PTPRD: variants seen among roughly 807,000 people sequenced by gnomAD.
The protein encoded by PTPRD is protein tyrosine phosphatase receptor type D.
PTPRD carries 34 observed loss-of-function variants against 214.5 expected under a neutral mutation model. That is an observed-to-expected ratio of 0.16 (90% CI 0.12 to 0.21). The LOEUF is 0.21. PTPRD is among the 10% of genes least tolerant of loss of function. PTPRD has a pLI of 1.00. For synonymous variants in PTPRD, 1,128 were observed against 845.7 expected, an observed-to-expected ratio of 1.33 and a Z score of -5.79; for missense variants, 2,545 against 2,398.7, an observed-to-expected ratio of 1.06 and a Z score of -1.27.
chr9:8,967,934 T>C (rs1180086751), intron 11 of PTPRD, among the ~76,000 whole-genome samples: 1 of 152,038 alleles, frequency 6.6e-6, no homozygotes, highest in South Asian at 2.1e-4. Flanking sequence ...CCCCGGTGTG[T>C]GATGTTCCCC....
chr9:9,481,850 T>C (rs2147131268), intron 8 of PTPRD, among the ~76,000 whole-genome samples: 1 of 152,320 alleles, frequency 6.6e-6, no homozygotes, highest in East Asian at 1.9e-4. Flanking sequence ...TCCTTGCAGT[T>C]ATCTAAAGAA....
intron 3 of PTPRD, among the ~76,000 whole-genome samples, chr9:10,242,609 A>AT (rs57797070): frequency 0.32 from 45,225 of 143,100 alleles, 8,001 homozygotes; most frequent in African/African-American, 0.48. Flanking sequence ...CATTGAATAC[A>AT]TTTTTTTTTT....
At chr9:9,493,386 G>A (rs2096010321) in intron 8 of PTPRD, among the ~76,000 whole-genome samples, 1 of 152,168 alleles carries the variant, frequency 6.6e-6, no homozygotes, top group Non-Finnish European at 1.5e-5. Context: ...GAGCTCTGAT[G>A]AAGATGTACA....
intron 44 of PTPRD, among the ~76,000 whole-genome samples, chr9:8,328,343 G>A (rs1836134981): frequency 6.6e-6 from 1 of 151,916 alleles, no homozygotes; most frequent in Admixed American, 6.6e-5. Context: ...TTGAATATTG[G>A]CCCCACTGTC....
chr9:9,154,888 T>A (rs12350330), intron 10 of PTPRD, among the ~76,000 whole-genome samples: 1 of 152,078 alleles, frequency 6.6e-6, no homozygotes, highest in African/African-American at 2.4e-5. Flanking sequence ...TTAGGTAGAA[T>A]TTTTTAATTT....
chr9:9,663,482 C>CT (rs2096657753), intron 7 of PTPRD, among the ~76,000 whole-genome samples: 1 of 151,588 alleles, frequency 6.6e-6, no homozygotes, highest in African/African-American at 2.4e-5. Flanking sequence ...ATCCACTTCA[C>CT]TTTTTTGTCT....
chr9:10,340,730 A>C (rs538689919), intron 3 of PTPRD, among the ~76,000 whole-genome samples: 205 of 152,018 alleles, frequency 1.3e-3, no homozygotes, highest in Admixed American at 3.5e-3. Flanking sequence ...CCAACATCTC[A>C]TGAGCAATAC....
intron 11 of PTPRD, among the ~76,000 whole-genome samples, chr9:8,941,580 G>T (rs1043188534): frequency 6.6e-6 from 1 of 152,060 alleles, no homozygotes. Flanking sequence ...TTGGAGTATT[G>T]TTGGGTGGAG....
At chr9:9,290,073 C>G (rs1049392509) in intron 9 of PTPRD, among the ~76,000 whole-genome samples, 1 of 151,614 alleles carries the variant, frequency 6.6e-6, no homozygotes, top group African/African-American at 2.4e-5. Context: ...GTATTCCCAC[C>G]AATGGTATAC....
intron 9 of PTPRD, among the ~76,000 whole-genome samples, chr9:9,253,331 C>T (rs1433502371): frequency 6.6e-6 from 1 of 151,874 alleles, no homozygotes; most frequent in African/African-American, 2.4e-5. Context: ...TATTAATTTA[C>T]AATTTTTAAA....
At chr9:8,724,773 A>C (rs1206082291) in intron 12 of PTPRD, among the ~76,000 whole-genome samples, 5 of 152,010 alleles carry the variant, frequency 3.3e-5, no homozygotes, top group African/African-American at 4.8e-5. Flanking sequence ...ATCTCTAAAA[A>C]AAAAAAATAC....
chr9:9,441,386 G>A (rs151319067), intron 8 of PTPRD, among the ~76,000 whole-genome samples: 91 of 152,270 alleles, frequency 6.0e-4, no homozygotes, highest in African/African-American at 2.1e-3. Flanking sequence ...GAAATAAACT[G>A]CTAGACAAAA....
At chr9:10,574,815 T>C (rs1228015824) in intron 2 of PTPRD, among the ~76,000 whole-genome samples, 2 of 113,572 alleles carry the variant, frequency 1.8e-5, no homozygotes, top group Non-Finnish European at 3.7e-5. Context: ...TGTGTGTGCA[T>C]ATATATATAT....
intron 8 of PTPRD, among the ~76,000 whole-genome samples, chr9:9,461,774 C>CT (rs2093678925): frequency 6.6e-6 from 1 of 152,090 alleles, no homozygotes; most frequent in Admixed American, 6.6e-5. Flanking sequence ...AGAGTGAAGG[C>CT]ATTTGGATGT....
chr9:9,156,194 T>C (rs1469969474), intron 10 of PTPRD, among the ~76,000 whole-genome samples: 1 of 152,176 alleles, frequency 6.6e-6, no homozygotes, highest in Non-Finnish European at 1.5e-5. Flanking sequence ...GATATGTACA[T>C]ATCTTGACAT....
intron 10 of PTPRD, among the ~76,000 whole-genome samples, chr9:9,058,205 ACACAGC>A (rs1355100121): frequency 1.3e-5 from 2 of 152,108 alleles, no homozygotes; most frequent in African/African-American, 4.8e-5. Flanking sequence ...TTTTTTAGCA[ACACAGC>A]CTATGATGGA....
chr9:9,943,889 G>A (rs1029145549), intron 4 of PTPRD, among the ~76,000 whole-genome samples: 10 of 152,104 alleles, frequency 6.6e-5, no homozygotes, highest in African/African-American at 2.4e-4. Context: ...ATCCCAATCT[G>A]CAAATTGCCC....
intron 12 of PTPRD, among the ~76,000 whole-genome samples, chr9:8,729,223 T>G (rs548190327): frequency 6.6e-6 from 1 of 152,160 alleles, no homozygotes; most frequent in Non-Finnish European, 1.5e-5. Flanking sequence ...CAAGCCAAAT[T>G]AATTTTAAAT....
intron 3 of PTPRD, among the ~76,000 whole-genome samples, chr9:10,280,726 CAGCCTCCTGAGTAGCTA>C (rs1564992300): frequency 1.3e-5 from 2 of 152,122 alleles, no homozygotes; most frequent in African/African-American, 4.8e-5. Flanking sequence ...TCCCCCATCT[CAGCCTCCTGAGTAGCTA>C]GGACTACAGG....
Sources: gnomAD v4.1 joint callset for allele counts (sites outside exome capture counted in the v4.1 genomes callset) on GRCh38, gnomAD v4.1.1 for gene constraint, MANE v1.5 for transcripts, NCBI Gene and HGNC (gene_info 2026-07-23, HGNC 2026-07-21) for gene names.